The following NKAIN2 variants were observed in gnomAD, a reference collection of about 807,000 sequenced individuals.
NKAIN2 encodes the protein sodium/potassium transporting ATPase interacting 2.
NKAIN2 carries 14 observed loss-of-function variants against 32.6 expected under a neutral mutation model. That is an observed-to-expected ratio of 0.43 (90% confidence interval 0.28 to 0.67). NKAIN2 has a LOEUF of 0.67. Among genes scored for constraint, NKAIN2 ranks in the 30% least tolerant of loss-of-function variants. NKAIN2 has a pLI of 0.17. For synonymous variants in NKAIN2, 80 were observed against 87.2 expected (o/e 0.92, Z 0.46); for missense variants, 198 against 258.3 (o/e 0.77, Z 1.60).
intron 5 of NKAIN2, among the ~76,000 whole-genome samples, chr6:124,808,996 T>C (rs1018032269): frequency 1.3e-5 from 2 of 152,156 alleles, no homozygotes; most frequent in African/African-American, 4.8e-5. Context: ...TACAAACAAA[T>C]GGAAGAACAT....
At chr6:123,956,630 C>A (rs1777605909) in intron 1 of NKAIN2, among the ~76,000 whole-genome samples, 1 of 152,186 alleles carries the variant, frequency 6.6e-6, no homozygotes, top group Non-Finnish European at 1.5e-5. Context: ...TTTGTTATGG[C>A]AGCCTGAGCT....
chr6:124,049,250 G>A (rs1259091355), intron 1 of NKAIN2, among the ~76,000 whole-genome samples: 1 of 151,980 alleles, frequency 6.6e-6, no homozygotes, highest in Non-Finnish European at 1.5e-5. Flanking sequence ...TATACTAAGT[G>A]ATAAAAATAA....
chr6:123,885,013 T>C (rs1415734681), intron 1 of NKAIN2, among the ~76,000 whole-genome samples: 2 of 152,186 alleles, frequency 1.3e-5, no homozygotes. Flanking sequence ...TTTTAACCTA[T>C]TAAATTCACA....
At chr6:124,804,318 A>G in intron 5 of NKAIN2, 1 of 158,968 alleles carries the variant, frequency 6.3e-6, no homozygotes, top group African/African-American at 2.4e-5. Context: ...GAACAACAAT[A>G]CAAAATAGTT....
chr6:123,951,800 G>T (rs1270283131), intron 1 of NKAIN2, among the ~76,000 whole-genome samples: 1 of 151,390 alleles, frequency 6.6e-6, no homozygotes, highest in Non-Finnish European at 1.5e-5. Flanking sequence ...CATTAATATT[G>T]TTTTTAATAT....
At chr6:124,282,879 C>A in intron 1 of NKAIN2, 126 bp from the exon 2 acceptor site, 2 of 796,778 alleles carry the variant, frequency 2.5e-6, no homozygotes, top group Non-Finnish European at 4.1e-6. Flanking sequence ...TAGTTAAAGA[C>A]AAATGCCAGA....
intron 4 of NKAIN2, among the ~76,000 whole-genome samples, chr6:124,789,358 T>C (rs940249524): frequency 1.3e-5 from 2 of 152,034 alleles, no homozygotes; most frequent in African/African-American, 4.8e-5. Flanking sequence ...GGAAAACTAT[T>C]GATAAACCTG....
chr6:124,752,228 T>C (rs1218742685), intron 4 of NKAIN2, among the ~76,000 whole-genome samples: 1 of 151,966 alleles, frequency 6.6e-6, no homozygotes. Context: ...TACATATTGC[T>C]CTTGGTGGAG....
rs1353946341 is a variant in NKAIN2 at position 124,759,652 on chromosome 6, CA to C, written c.475-31686del. Among the ~76,000 whole-genome samples the C allele has an allele frequency of 5.9e-4, 48 of 80,740 alleles. 1 individual carries two copies. The highest frequency in any genetic ancestry group is 1.4e-3 in the African/African-American group (39 of 27,280). The allele number at this position is 80,740 out of a possible 152,430, so 53.0% of individuals were successfully genotyped here. On this transcript the variant is annotated intron_variant, in intron 4 of 6. Transcript: ENST00000368417. ...ACACACACACACACACACACACACA[CA>C]CACCCCCTATCTCCCTTTCCTGCCT...
rs193077703 is a variant in NKAIN2, at chr6:124,003,415, C to T, written c.54+199161C>T. Among the ~76,000 whole-genome samples the T allele has an allele frequency of 7.9e-5, 12 of 152,316 alleles. No individual in the cohort carries two copies. In the East Asian group the frequency reaches 2.3e-3, roughly 29 times the overall value. On this transcript the variant is annotated intron_variant, in intron 1 of 6. Coordinates refer to ENST00000368417, the MANE Select transcript of NKAIN2 (RefSeq NM_001040214.3). ...ACATGAAAGAACCCATATTTCACCT[C>T]TGATGGTACCATCATCTTTTACCAT...
intron 1 of NKAIN2, among the ~76,000 whole-genome samples, chr6:123,846,825 G>A (rs906272487): frequency 1.6e-5 from 2 of 128,762 alleles, no homozygotes; most frequent in Admixed American, 9.5e-5. Flanking sequence ...CCACGCCACC[G>A]CCACACACAC....
intron 4 of NKAIN2, among the ~76,000 whole-genome samples, chr6:124,660,023 G>A (rs1231359497): frequency 6.6e-6 from 1 of 152,016 alleles, no homozygotes; most frequent in Non-Finnish European, 1.5e-5. Context: ...AAATAAGTTA[G>A]ACTTGACAGG....
At chr6:124,324,817 A>C (rs868173787) in intron 2 of NKAIN2, among the ~76,000 whole-genome samples, 4 of 152,138 alleles carry the variant, frequency 2.6e-5, no homozygotes, top group Middle Eastern at 6.8e-3. Flanking sequence ...TTCTACATCA[A>C]ATGATATAAT....
rs564719427 is a variant in NKAIN2, at chr6:124,479,788, T to C, written c.273+124441T>C. Among the ~76,000 whole-genome samples, 19 of 151,056 alleles carry C rather than the reference T, an allele frequency of 1.3e-4. 1 individual carries two copies. In the East Asian group the frequency reaches 3.5e-3, roughly 28 times the overall value. On this transcript the variant is annotated intron_variant, in intron 3 of 6. Coordinates refer to ENST00000368417, the MANE Select transcript of NKAIN2 (RefSeq NM_001040214.3). The stretch of plus-strand genomic sequence containing the variant: ...GTTAATACTGTTAGTGTATTTTTTT[T>C]CAACTCAGGCATATAAAAGATACTA...
chr6:124,082,271 T>C (rs917401344), intron 1 of NKAIN2, among the ~76,000 whole-genome samples: 6 of 152,128 alleles, frequency 3.9e-5, no homozygotes, highest in Non-Finnish European at 8.8e-5. Context: ...CAAAGTGTTA[T>C]ATGAGTTATT....
At chr6:124,458,464 G>C (rs544470936) in intron 3 of NKAIN2, among the ~76,000 whole-genome samples, 52 of 151,896 alleles carry the variant, frequency 3.4e-4, no homozygotes, top group African/African-American at 1.3e-3. Context: ...TCTCTCTGCT[G>C]TTGGATCTGT....
chr6:124,804,069 G>C (rs1401786282), intron 5 of NKAIN2, among the ~76,000 whole-genome samples: 1 of 152,176 alleles, frequency 6.6e-6, no homozygotes, highest in Non-Finnish European at 1.5e-5. Context: ...ATGATGGTAA[G>C]AAGTAAAGGC....
At chr6:124,742,233 G>A (rs1448786991) in intron 4 of NKAIN2, among the ~76,000 whole-genome samples, 1 of 151,828 alleles carries the variant, frequency 6.6e-6, no homozygotes, top group African/African-American at 2.4e-5. Flanking sequence ...CTCCAGAAAA[G>A]ATTATTATTT....
chr6:123,985,492 C>A (rs1051761868), intron 1 of NKAIN2, among the ~76,000 whole-genome samples: 1 of 152,102 alleles, frequency 6.6e-6, no homozygotes, highest in Non-Finnish European at 1.5e-5. Flanking sequence ...ATGTACTGTC[C>A]TGGAAAGACA....
Sources: allele counts gnomAD v4.1 joint callset (sites outside exome capture counted in the v4.1 genomes callset), GRCh38; gene constraint gnomAD v4.1.1; transcripts MANE v1.5; gene names NCBI Gene and HGNC (gene_info 2026-07-23, HGNC 2026-07-21).